Variants in ACTN4 observed in about 807,000 individuals in gnomAD.
The protein encoded by ACTN4 is actinin alpha 4, also known as alpha-actinin-4.
ACTN4 carries 18 observed loss-of-function variants against 114.2 expected under a neutral mutation model. The ratio of observed to expected loss-of-function variants is 0.16; its 90% CI spans 0.11 to 0.23. The LOEUF is 0.23. Among genes scored for constraint, ACTN4 ranks in the 10% least tolerant of loss-of-function variants. ACTN4 has a pLI of 1.00. For missense variants in ACTN4, 722 were observed against 1,262.9 expected (o/e 0.57, Z 6.49); for synonymous variants, 515 against 506.3 (o/e 1.02, Z -0.23).
At chr19:38,656,199 T>A (rs1051454977) in intron 1 of ACTN4, among the ~76,000 whole-genome samples, 1 of 152,156 alleles carries the variant, frequency 6.6e-6, no homozygotes, top group African/African-American at 2.4e-5. Context: ...ACTGAAGCTT[T>A]GACCTCGGGC....
chr19:38,728,255 G>T, intron 19 of ACTN4: 1 of 1,508,820 alleles, frequency 6.6e-7, no homozygotes, highest in East Asian at 2.5e-5. Flanking sequence ...TGCACATGGG[G>T]CGGCCCCTCT....
In ACTN4 at chr19:38,721,412, T is replaced by C. The variant is rs34026184; in HGVS notation, c.1292-126T>C. 75,931 of 1,178,132 alleles carry C rather than the reference T, an allele frequency of 0.064. 2,783 individuals carry two copies. Among genetic ancestry groups the C allele is most frequent in the South Asian group, 0.1 (8,046 of 79,436 alleles). 73.0% of individuals were successfully genotyped at this position (1,178,132 alleles called of 1,614,324 possible). A position where few individuals can be genotyped will look rare whatever the true frequency, so the allele number is the denominator to read the frequency against. ...AAGATTCTGGAAGTTTCCATGCCAC[T>C]GTCATTGGCATGGAAGGATGTGGGG... is the stretch of plus-strand genomic sequence containing the variant. On this transcript the variant is annotated intron_variant, in intron 11 of 20. Coordinates refer to ENST00000252699, the MANE Select transcript of ACTN4 (RefSeq NM_004924.6).
intron 1 of ACTN4, among the ~76,000 whole-genome samples, chr19:38,651,577 T>C (rs1976562724): frequency 6.6e-6 from 1 of 152,138 alleles, no homozygotes. Flanking sequence ...TCGTGTTCAT[T>C]GAAACATCAC....
intron 8 of ACTN4, among the ~76,000 whole-genome samples, chr19:38,713,695 C>G (rs531532775): frequency 4.6e-5 from 7 of 152,354 alleles, no homozygotes; most frequent in African/African-American, 1.7e-4. Flanking sequence ...TTTTCCTTCC[C>G]CATCACTCTG....
chr19:38,727,339 G>A lies in ACTN4; in HGVS notation c.2337+236G>A, dbSNP rs989336147. 6.6e-6 allele frequency among the ~76,000 whole-genome samples: 1 copy of A among 152,144 alleles called. No homozygotes were observed. Among genetic ancestry groups the A allele is most frequent in the Non-Finnish European group, 1.5e-5 (1 of 68,008 alleles). On this transcript the variant is annotated intron_variant, in intron 18 of 20. Transcript: ENST00000252699. The surrounding 1 kb of genome is among the most constrained non-coding windows in gnomAD (Gnocchi z 5.4). ...CCGGAGGTCCCAAGTCCTGCCTTCTGGGGTGGCATCCTCACCACCCCCAGG... is the reference window on the plus strand; with the variant it reads ...CCGGAGGTCCCAAGTCCTGCCTTCTAGGGTGGCATCCTCACCACCCCCAGG...
At chr19:38,653,183 C>T (rs535202016) in intron 1 of ACTN4, among the ~76,000 whole-genome samples, 1 of 152,068 alleles carries the variant, frequency 6.6e-6, no homozygotes, top group Non-Finnish European at 1.5e-5. Flanking sequence ...ACATATGCTC[C>T]AGTCATGGCA....
In ACTN4 at chr19:38,712,885, G is replaced by T. The variant is rs147783220; in HGVS notation, c.820-1584G>T. Among the ~76,000 whole-genome samples, 258 of 152,286 alleles carry T rather than the reference G, an allele frequency of 1.7e-3. 10 individuals carry two copies. In the South Asian group the frequency reaches 0.045, roughly 27 times the overall value. On this transcript the variant is annotated intron_variant, in intron 8 of 20. Coordinates refer to ENST00000252699, the MANE Select transcript of ACTN4 (RefSeq NM_004924.6). ...CTCTGAGGGATTTTGGGGGAGCAGG[G>T]ACTGGCAGGCAAGCCCAGGACAGTA...
chr19:38,727,734 T>G lies in ACTN4; in HGVS notation c.2338-212T>G. 3.4e-6 allele frequency: 2 copies of G among 582,612 alleles called. No individual in the cohort carries two copies. 36.1% of individuals were successfully genotyped at this position (582,612 alleles called of 1,614,324 possible). A position where few individuals can be genotyped will look rare whatever the true frequency, so the allele number is the denominator to read the frequency against. ...AGGTCGGGGAGGCCTCTGCCTTCCT[T>G]TGAGCTTCCGAGGTTGGGGAAAGGA... On this transcript the variant is annotated intron_variant, in intron 18 of 20. Transcript: ENST00000252699. The surrounding 1 kb of genome is among the most constrained non-coding windows in gnomAD (Gnocchi z 5.4).
In ACTN4 at chr19:38,647,855, A is replaced by G; in HGVS notation, c.110A>G (p.Asp37Gly). 2 of 1,545,892 alleles carry G rather than the reference A, an allele frequency of 1.3e-6. No individual in the cohort carries two copies. The highest frequency in any genetic ancestry group is 1.7e-6 in the Non-Finnish European group (2 of 1,146,664). ...GGCGACTACATGGCCCAGGAGGACG[A>G]CTGGGACCGGGACCTGCTGCTGGAC... is the stretch of plus-strand genomic sequence containing the variant. ...SMGDYMAQED[D>G]WDRDLLLDPA... Residue 37 changes from aspartate to glycine, a missense_variant, in exon 1 of 21, where the codon GAC (aspartate) becomes GGC (glycine). Transcript: ENST00000252699.
chr19:38,656,123 C>CT (rs766599769), intron 1 of ACTN4, among the ~76,000 whole-genome samples: 22 of 151,806 alleles, frequency 1.4e-4, no homozygotes, highest in South Asian at 4.2e-4. Flanking sequence ...GCCTTTGTTC[C>CT]TTTTTTTTGA....
chr19:38,731,255 C>A lies in ACTN4; in HGVS notation c.*1823C>A, dbSNP rs1969580583. On this transcript the variant is annotated 3_prime_UTR_variant, in exon 21 of 21. Transcript: ENST00000252699. ...GGAGGCTGCTTCTGAGCCCAGTGGC[C>A]CACAGGGAACCCACCTTGGCATTGC... 6.4e-7 allele frequency: 1 copy of A among 1,565,084 alleles called. No homozygotes were observed. Among genetic ancestry groups the A allele is most frequent in the Non-Finnish European group, 8.8e-7 (1 of 1,138,670 alleles).
intron 1 of ACTN4, among the ~76,000 whole-genome samples, chr19:38,673,412 T>G (rs868789317): frequency 1.4e-5 from 2 of 142,012 alleles, no homozygotes; most frequent in African/African-American, 2.6e-5. Flanking sequence ...AAGACATACA[T>G]AGAGTGTTCC....
Position 38,724,467 on chromosome 19 carries a change from C to T in ACTN4, c.1912C>T (p.Leu638=), listed in dbSNP as rs1415428785. The T allele has an allele frequency of 6.2e-7, 1 of 1,613,594 alleles. No individual in the cohort carries two copies. The highest frequency in any genetic ancestry group is 1.3e-5 in the African/African-American group (1 of 75,046). ...GGTGCCAAAACGGGACCATGCCCTC[C>T]TGGAGGAGCAGAGCAAGCAGCAGTC... ...QLVPKRDHAL[L]EEQSKQQSNE... The change falls in exon 16 of 21, where the codon CTG becomes TTG. Residue 638 remains leucine (L), a synonymous_variant. Coordinates refer to ENST00000252699, the MANE Select transcript of ACTN4 (RefSeq NM_004924.6). This position sits in a 1 kb window ranked among gnomAD's most constrained non-coding sequence, Gnocchi z 7.0.
rs543111965 is a variant in ACTN4 at position 38,670,921 on chromosome 19, TAAAA to T, written c.162+23028_162+23031del. Among the ~76,000 whole-genome samples the T allele has an allele frequency of 6.0e-3, 741 of 124,092 alleles. 27 individuals carry two copies. The East Asian group carries it at 0.11, about 19-fold the overall frequency. The allele number at this position is 124,092 out of a possible 152,430, so 81.4% of individuals were successfully genotyped here. A position where few individuals can be genotyped will look rare whatever the true frequency, so the allele number is the denominator to read the frequency against. ...CTGGTGACAGAGCAATACTCCAACT[TAAAA>T]AAAAAAAAAAAAACCTGCAGGCCAT... On this transcript the variant is annotated intron_variant, in intron 1 of 20. Coordinates refer to ENST00000252699, the MANE Select transcript of ACTN4 (RefSeq NM_004924.6).
rs1967750305 is a variant in ACTN4, at chr19:38,686,578, T to C, written c.163-14022T>C. Among the ~76,000 whole-genome samples the C allele has an allele frequency of 2.6e-5, 4 of 152,166 alleles. No individual in the cohort carries two copies. The South Asian group carries it at 8.3e-4, about 32-fold the overall frequency. ...CTTTTGGGAGTGTAAGTTTCCTCTG[T>C]TAAAGGTAGTTATTTCAAGGTAGGC... is the stretch of plus-strand genomic sequence containing the variant. On this transcript the variant is annotated intron_variant, in intron 1 of 20. Transcript: ENST00000252699.
At chr19:38,728,142 T>C in intron 19 of ACTN4, 116 bp downstream of exon 19, 1 of 1,360,378 alleles carries the variant, frequency 7.4e-7, no homozygotes, top group East Asian at 2.5e-5. Context: ...ATCTCATGGC[T>C]CTCTTGCCTC....
intron 1 of ACTN4, among the ~76,000 whole-genome samples, chr19:38,698,874 C>G (rs917734924): frequency 6.6e-6 from 1 of 152,158 alleles, no homozygotes; most frequent in South Asian, 2.1e-4. Context: ...GGCTTTGTGT[C>G]GAGTCTCCCT....
Position 38,673,639 on chromosome 19 carries a change from ATATATATT to A in ACTN4, c.162+25748_162+25755del, listed in dbSNP as rs1375725812. Among the ~76,000 whole-genome samples, 150 of 50,532 alleles carry A rather than the reference ATATATATT, an allele frequency of 3.0e-3. 23 individuals are homozygous for A. The highest frequency in any genetic ancestry group is 4.9e-3 in the Non-Finnish European group (111 of 22,522). The allele number at this position is 50,532 out of a possible 152,430, so 33.2% of individuals were successfully genotyped here. A position where few individuals can be genotyped will look rare whatever the true frequency, so the allele number is the denominator to read the frequency against. Reference sequence around the variant, plus strand: ...TATTTATATATATTCATATATATTTATATATATTTATATATTTATATATATTATATATA... The same window carrying A: ...TATTTATATATATTCATATATATTTATATATATTTATATATATTATATATA... On this transcript the variant is annotated intron_variant, in intron 1 of 20. Transcript: ENST00000252699.
intron 1 of ACTN4, among the ~76,000 whole-genome samples, chr19:38,663,750 C>T (rs1411786498): frequency 6.6e-6 from 1 of 152,200 alleles, no homozygotes; most frequent in Non-Finnish European, 1.5e-5. Context: ...CCATGCTCAT[C>T]TTGGCCATGT....
Sources: allele counts gnomAD v4.1 joint callset (sites outside exome capture counted in the v4.1 genomes callset), GRCh38; gene constraint gnomAD v4.1.1; non-coding constraint Gnocchi (gnomAD v3.1); transcripts MANE v1.5; gene names NCBI Gene and HGNC (gene_info 2026-07-23, HGNC 2026-07-21).